The following ENTPD5 variants were observed in gnomAD, a reference collection of about 807,000 sequenced individuals.
ENTPD5 encodes nucleoside diphosphate phosphatase ENTPD5.
Under a neutral mutation model 60.2 loss-of-function variants are expected in ENTPD5, and 49 were observed. The ratio of observed to expected loss-of-function variants is 0.81; its 90% CI spans 0.65 to 1.03. ENTPD5 has a LOEUF of 1.03. Among genes scored for constraint, ENTPD5 ranks in the 50% least tolerant of loss-of-function variants. The probability of loss-of-function intolerance (pLI) is 0.00; values close to 1 mark genes in which losing one functional copy is unlikely to be tolerated. For synonymous variants in ENTPD5, 187 were observed against 185.4 expected, an observed-to-expected ratio of 1.01 and a Z score of -0.07; for missense variants, 480 against 507.6, an observed-to-expected ratio of 0.95 and a Z score of 0.52.
chr14:74,003,168 T>A (rs1228467652), intron 3 of ENTPD5, among the ~76,000 whole-genome samples: 1 of 152,242 alleles, frequency 6.6e-6, no homozygotes, highest in Non-Finnish European at 1.5e-5. Context: ...ACTTTTCTTT[T>A]TTCCACACCA....
At chr14:74,009,297 T>C (rs1268514036) in intron 3 of ENTPD5, 1 of 152,182 alleles carries the variant, frequency 6.6e-6, no homozygotes, top group African/African-American at 2.4e-5. Context: ...TCCAAACCCA[T>C]ATCCATTGTG....
Position 74,006,589 on chromosome 14 carries a change from T to C in ENTPD5, c.-71+4502A>G, listed in dbSNP as rs181601553. On this transcript the variant is annotated intron_variant, in intron 3 of 15. Coordinates refer to ENST00000334696, the MANE Select transcript of ENTPD5 (RefSeq NM_001249.5). Reference sequence around the variant, plus strand: ...TGAGCCACCACACCCGGCCCTTTTTTTTTTTTTTTTAAATGAGAAGATGTC... The same window carrying C: ...TGAGCCACCACACCCGGCCCTTTTTCTTTTTTTTTTAAATGAGAAGATGTC... Among the ~76,000 whole-genome samples, 935 of 151,750 alleles carry C rather than the reference T, an allele frequency of 6.2e-3. 7 individuals are homozygous for C. Among genetic ancestry groups the C allele is most frequent in the African/African-American group, 0.022 (895 of 41,388 alleles).
rs1242652987 is a variant in ENTPD5, at chr14:73,975,931, C to A, written c.722+5G>T. Reference sequence around the variant, plus strand: ...AATATTCTTCTTCCCTGTCCCCGTCCTCACCTATGTGTATAGAGCTTATAA... The same window carrying A: ...AATATTCTTCTTCCCTGTCCCCGTCATCACCTATGTGTATAGAGCTTATAA... On this transcript the variant is annotated splice_donor_5th_base_variant and intron_variant, in intron 10 of 15. Coordinates refer to ENST00000334696, the MANE Select transcript of ENTPD5 (RefSeq NM_001249.5). 6.3e-7 allele frequency: 1 copy of A among 1,597,930 alleles called. No homozygotes were observed. Among genetic ancestry groups the A allele is most frequent in the Non-Finnish European group, 8.6e-7 (1 of 1,167,460 alleles).
chr14:73,990,500 A>AT (rs1345015845), intron 3 of ENTPD5, among the ~76,000 whole-genome samples: 9 of 150,652 alleles, frequency 6.0e-5, no homozygotes, highest in South Asian at 2.1e-4. Context: ...ATACCTGGCT[A>AT]TTTTTTTTAT....
At chr14:73,999,958 T>C (rs1367803940) in intron 3 of ENTPD5, among the ~76,000 whole-genome samples, 3 of 150,740 alleles carry the variant, frequency 2.0e-5, no homozygotes, top group Admixed American at 1.3e-4. Context: ...CATGGTGGCA[T>C]GCACCTGTAA....
chr14:74,004,231 G>C (rs1021860286), intron 3 of ENTPD5, among the ~76,000 whole-genome samples: 21 of 152,006 alleles, frequency 1.4e-4, no homozygotes, highest in African/African-American at 5.1e-4. Flanking sequence ...GCAGTGGCGT[G>C]ATCTTGGCTC....
intron 3 of ENTPD5, chr14:73,996,898 T>C (rs1342203075): frequency 6.6e-6 from 1 of 152,332 alleles, no homozygotes; most frequent in Non-Finnish European, 1.5e-5. Context: ...ACCATGATTA[T>C]ATCACTGCAT....
chr14:73,973,114 A>T (rs2057299355), intron 12 of ENTPD5, 90 bp from the exon 13 acceptor site: 1 of 1,471,810 alleles, frequency 6.8e-7, no homozygotes, highest in Admixed American at 2.0e-5. Flanking sequence ...ACAATGAGGG[A>T]ACAGCAGGAA....
intron 3 of ENTPD5, among the ~76,000 whole-genome samples, chr14:74,006,377 G>C (rs373751090): frequency 6.8e-6 from 1 of 147,582 alleles, no homozygotes; most frequent in Non-Finnish European, 1.5e-5. Flanking sequence ...TCCGCTTCCC[G>C]GGTTCACACC....
intron 2 of ENTPD5, among the ~76,000 whole-genome samples, chr14:74,014,789 G>A (rs1269681035): frequency 1.3e-5 from 2 of 151,952 alleles, no homozygotes; most frequent in Non-Finnish European, 2.9e-5. Flanking sequence ...CAGGATGAAA[G>A]TAACTCCTGG....
chr14:73,971,131 C>T (rs11621319), intron 14 of ENTPD5, among the ~76,000 whole-genome samples: 60,905 of 151,220 alleles, frequency 0.4, 13,315 homozygotes, highest in South Asian at 0.5. Context: ...AAAAGGTCTT[C>T]ACCATTTCCC....
At chr14:73,962,182 G>A (rs571208560), downstream of ENTPD5, among the ~76,000 whole-genome samples, 10 of 152,090 alleles carry the variant, frequency 6.6e-5, no homozygotes, top group Non-Finnish European at 1.5e-4. Context: ...TCCTGACCTC[G>A]TGATCTGCCT....
At chr14:73,989,007 A>G (rs866498013) in intron 3 of ENTPD5, among the ~76,000 whole-genome samples, 71 of 152,026 alleles carry the variant, frequency 4.7e-4, no homozygotes, top group African/African-American at 1.6e-3. Context: ...TATTTTTAGT[A>G]CAGACGGGGT....
rs948018208 is a variant in ENTPD5, at chr14:73,965,372, G to A, written c.*1556C>T. The A allele has an allele frequency of 6.6e-6, 1 of 152,222 alleles. No individual in the cohort carries two copies. Among genetic ancestry groups the A allele is most frequent in the Non-Finnish European group, 1.5e-5 (1 of 68,072 alleles). 9.4% of individuals were successfully genotyped at this position (152,222 alleles called of 1,614,324 possible). Reference sequence around the variant, plus strand: ...ACCAAGGCAAAGGGGCCAGACCACAGGGAGATCTTCCAGGTCCAAGAGCAC... The same window carrying A: ...ACCAAGGCAAAGGGGCCAGACCACAAGGAGATCTTCCAGGTCCAAGAGCAC... On this transcript the variant is annotated 3_prime_UTR_variant, in exon 16 of 16. Transcript: ENST00000334696.
intron 3 of ENTPD5, among the ~76,000 whole-genome samples, chr14:74,002,449 T>C (rs968015282): frequency 2.6e-5 from 4 of 151,738 alleles, no homozygotes; most frequent in Non-Finnish European, 5.9e-5. Context: ...TTTATTTATG[T>C]AGAGATGGAG....
intron 6 of ENTPD5, among the ~76,000 whole-genome samples, chr14:73,978,431 C>A (rs1170167492): frequency 1.3e-5 from 2 of 151,896 alleles, no homozygotes; most frequent in East Asian, 3.9e-4. Flanking sequence ...TGATGAAACC[C>A]CATCTCTACT....
chr14:74,003,180 T>G (rs918828325), intron 3 of ENTPD5, among the ~76,000 whole-genome samples: 1 of 152,222 alleles, frequency 6.6e-6, no homozygotes, highest in African/African-American at 2.4e-5. Context: ...TCCACACCAC[T>G]TATCACATTC....
chr14:74,014,549 A>G (rs2058954378), intron 2 of ENTPD5, among the ~76,000 whole-genome samples: 1 of 151,912 alleles, frequency 6.6e-6, no homozygotes, highest in Non-Finnish European at 1.5e-5. Flanking sequence ...AGACCCTGTC[A>G]TTCATTAACA....
intron 6 of ENTPD5, among the ~76,000 whole-genome samples, chr14:73,979,794 A>G (rs1357127239): frequency 1.3e-5 from 2 of 151,950 alleles, no homozygotes; most frequent in African/African-American, 4.8e-5. Context: ...TATGTTGAAT[A>G]AATGAGGAAT....
Sources: allele counts gnomAD v4.1 joint callset (sites outside exome capture counted in the v4.1 genomes callset), GRCh38; gene constraint gnomAD v4.1.1; transcripts MANE v1.5; gene names NCBI Gene and HGNC (gene_info 2026-07-23, HGNC 2026-07-21).